The following SNX31 variants were observed in gnomAD, a reference collection of about 807,000 sequenced individuals.
SNX31 encodes sorting nexin-31.
Under a neutral mutation model 65.4 loss-of-function variants are expected in SNX31, and 58 were observed. The observed-to-expected ratio is 0.89, with a 90% CI of 0.72 to 1.10. SNX31 has a LOEUF of 1.10. SNX31 is among the 50% of genes least tolerant of loss of function. The pLI, the probability that SNX31 is intolerant of heterozygous loss-of-function variation, is 0.00. For missense variants in SNX31, 523 were observed against 529.7 expected (o/e 0.99, Z 0.12); for synonymous variants, 181 against 190.1 (o/e 0.95, Z 0.39).
intron 4 of SNX31, among the ~76,000 whole-genome samples, chr8:100,623,202 ATGGC>A (rs1817818788): frequency 6.6e-6 from 1 of 152,230 alleles, no homozygotes; most frequent in Non-Finnish European, 1.5e-5. Context: ...CATGTCTTAC[ATGGC>A]TGGAGCAGGA....
rs1465320791 is a variant in SNX31, at chr8:100,604,790, T to C, written c.681+3704A>G. Among the ~76,000 whole-genome samples, 1 of 152,266 alleles carries C rather than the reference T, an allele frequency of 6.6e-6. No individual in the cohort carries two copies. The highest frequency in any genetic ancestry group is 2.4e-5 in the African/African-American group (1 of 41,476). On this transcript the variant is annotated intron_variant, in intron 8 of 13. Coordinates refer to ENST00000311812, the MANE Select transcript of SNX31 (RefSeq NM_152628.4). This position sits in a 1 kb window ranked among gnomAD's most constrained non-coding sequence, Gnocchi z 4.3. ...TGGATATCACTGGGCACATCTGCTT[T>C]AGAAAATCAAAGCTGTGCCCCTTAA...
At chr8:100,608,431 A>G (rs1816384963) in intron 8 of SNX31, 63 bp downstream of exon 8, 1 of 1,487,396 alleles carries the variant, frequency 6.7e-7, no homozygotes, top group East Asian at 2.3e-5. Context: ...TAATTTGTTT[A>G]GTGGCTCCAA....
At chr8:100,628,906 G>T (rs1818241010) in intron 4 of SNX31, among the ~76,000 whole-genome samples, 1 of 151,556 alleles carries the variant, frequency 6.6e-6, no homozygotes, top group South Asian at 2.1e-4. Flanking sequence ...TATGGCAGTA[G>T]TCCCACAAAA....
At chr8:100,652,556 G>A (rs117783735), upstream of SNX31, among the ~76,000 whole-genome samples, 1,484 of 152,256 alleles carry the variant, frequency 9.7e-3, 17 homozygotes, top group South Asian at 0.06. Flanking sequence ...GGCCATTTCT[G>A]TAATATGGCC....
chr8:100,584,396 G>T (rs1813841045), intron 11 of SNX31, among the ~76,000 whole-genome samples: 1 of 152,094 alleles, frequency 6.6e-6, no homozygotes, highest in Admixed American at 6.6e-5. Flanking sequence ...TATATTTACA[G>T]CAGATTTTTT....
chr8:100,659,905 TA>T (rs2131316843), intron 1 of SNX31, among the ~76,000 whole-genome samples: 1 of 152,328 alleles, frequency 6.6e-6, no homozygotes, highest in Non-Finnish European at 1.5e-5. Context: ...TTTTTCTCCT[TA>T]TTCTGCTTTC....
At chr8:100,586,274 A>G (rs1814039970) in intron 11 of SNX31, among the ~76,000 whole-genome samples, 1 of 152,246 alleles carries the variant, frequency 6.6e-6, no homozygotes, top group African/African-American at 2.4e-5. Flanking sequence ...CCAAGCCCTC[A>G]TTTGTATTTG....
Position 100,609,181 on chromosome 8 carries a change from C to A in SNX31, c.612-618G>T, listed in dbSNP as rs1816479656. On this transcript the variant is annotated intron_variant, in intron 7 of 13. Transcript: ENST00000311812. This position sits in a 1 kb window ranked among gnomAD's most constrained non-coding sequence, Gnocchi z 4.9. ...TTCCATCTCTCACCAACCCCACCAC[C>A]AACGCTACATTCCAACCATGTTTTC... is the stretch of plus-strand genomic sequence containing the variant. Among the ~76,000 whole-genome samples the A allele has an allele frequency of 6.6e-6, 1 of 152,192 alleles. No homozygotes were observed. The highest frequency in any genetic ancestry group is 2.1e-4 in the South Asian group (1 of 4,836).
At position 100,628,318 on chromosome 8, in the gene SNX31, T is replaced by C. The variant is rs559719702; in HGVS notation, c.321+2009A>G. ...ATGTTTATTGCGGCACTATTCATAA[T>C]AGCAAAGACTTGGAACCAACCCAAA... On this transcript the variant is annotated intron_variant, in intron 4 of 13. Transcript: ENST00000311812. 2.6e-5 allele frequency among the ~76,000 whole-genome samples: 4 copies of C among 152,294 alleles called. No homozygotes were observed. The South Asian group carries it at 6.2e-4, about 24-fold the overall frequency.
intron 3 of SNX31, among the ~76,000 whole-genome samples, chr8:100,631,437 C>CT (rs10652417): frequency 0.022 from 2,910 of 129,596 alleles, 68 homozygotes; most frequent in African/African-American, 0.037. Context: ...TGCTGTTTTA[C>CT]TTTTTTTTTT....
At position 100,607,478 on chromosome 8, in the gene SNX31, G is replaced by A. The variant is rs766601685; in HGVS notation, c.681+1016C>T. Among the ~76,000 whole-genome samples, 22 of 152,124 alleles carry A rather than the reference G, an allele frequency of 1.4e-4. 1 individual carries two copies. The Middle Eastern group carries it at 0.01, about 71-fold the overall frequency. On this transcript the variant is annotated intron_variant, in intron 8 of 13. Coordinates refer to ENST00000311812, the MANE Select transcript of SNX31 (RefSeq NM_152628.4). ...AGAGGCTGGGGGTAGGAGTAGGTAG[G>A]GCCAACTACATAATTTTCAGGGTCT...
At chr8:100,584,266 C>A in intron 11 of SNX31, 78 bp from the exon 12 acceptor site, 2 of 1,122,444 alleles carry the variant, frequency 1.8e-6, no homozygotes, top group South Asian at 1.6e-5. Context: ...CACCACAAAG[C>A]GGATTTTGAC....
At chr8:100,643,081 C>T (rs1030105226) in intron 2 of SNX31, among the ~76,000 whole-genome samples, 3 of 143,268 alleles carry the variant, frequency 2.1e-5, no homozygotes, top group Non-Finnish European at 4.5e-5. Context: ...ATCCCAGGTA[C>T]CCGGGAGGCT....
upstream of SNX31, among the ~76,000 whole-genome samples, chr8:100,653,904 G>A (rs1587112300): frequency 1.3e-5 from 2 of 152,220 alleles, no homozygotes; most frequent in East Asian, 3.8e-4. Flanking sequence ...TAACAAGACT[G>A]GCTAACCCTA....
intron 5 of SNX31, among the ~76,000 whole-genome samples, chr8:100,615,370 A>C (rs1476158383): frequency 6.6e-6 from 1 of 152,206 alleles, no homozygotes; most frequent in Non-Finnish European, 1.5e-5. Flanking sequence ...TACCAATACC[A>C]ATAATGATAA....
At chr8:100,583,201 G>A (rs1368750191) in intron 12 of SNX31, among the ~76,000 whole-genome samples, 1 of 151,224 alleles carries the variant, frequency 6.6e-6, no homozygotes, top group Admixed American at 6.6e-5. Flanking sequence ...CTGTCTTCTG[G>A]GATCAAGCAA....
rs1184523136 is a variant in SNX31, at chr8:100,600,394, C to T, written c.729G>A (p.Gln243=). ...TCTGGAAAGCTTCTAATTTCTGCCT[C>T]TGTGCCTGTGTGGGTTTGGCCCATC... ...EKGWAKPTQA[Q]RQKLEAFQKE... Residue 243 remains glutamine (Q), a synonymous_variant, in exon 9 of 14, where the codon CAG becomes CAA. Transcript: ENST00000311812. 6.2e-7 allele frequency: 1 copy of T among 1,613,766 alleles called. No homozygotes were observed. Among genetic ancestry groups the T allele is most frequent in the Non-Finnish European group, 8.5e-7 (1 of 1,179,864 alleles).
At chr8:100,585,959 C>T (rs905390183) in intron 11 of SNX31, among the ~76,000 whole-genome samples, 4 of 152,008 alleles carry the variant, frequency 2.6e-5, no homozygotes, top group African/African-American at 4.8e-5. Flanking sequence ...CTTGCTCTGT[C>T]GCCCAGGCTG....
intron 10 of SNX31, among the ~76,000 whole-genome samples, chr8:100,591,396 G>A (rs1370839567): frequency 6.6e-6 from 1 of 151,504 alleles, no homozygotes; most frequent in African/African-American, 2.4e-5. Flanking sequence ...GGCTGAGGCA[G>A]GAGAACGGCT....
Sources: allele counts gnomAD v4.1 joint callset (sites outside exome capture counted in the v4.1 genomes callset), GRCh38; gene constraint gnomAD v4.1.1; non-coding constraint Gnocchi (gnomAD v3.1); transcripts MANE v1.5; gene names NCBI Gene and HGNC (gene_info 2026-07-23, HGNC 2026-07-21).